GRIK3: variants seen among roughly 807,000 people sequenced by gnomAD.
GRIK3 encodes the protein glutamate receptor ionotropic, kainate 3.
Under a neutral mutation model 102.5 loss-of-function variants are expected in GRIK3, and 29 were observed. That is an observed-to-expected ratio of 0.28 (90% CI 0.21 to 0.39). The LOEUF is 0.39. Among genes scored for constraint, GRIK3 ranks in the 10% least tolerant of loss-of-function variants. The pLI, the probability that GRIK3 is intolerant of heterozygous loss-of-function variation, is 1.00. For missense variants in GRIK3, 908 were observed against 1,252.4 expected (o/e 0.73, Z 4.15); for synonymous variants, 511 against 504.9 (o/e 1.01, Z -0.16).
intron 2 of GRIK3, among the ~76,000 whole-genome samples, chr1:36,888,584 C>T (rs1641067975): frequency 6.6e-6 from 1 of 152,162 alleles, no homozygotes; most frequent in Admixed American, 6.5e-5. Context: ...TTGCTTCATC[C>T]ACTAGATTAT....
At chr1:36,873,917 C>T (rs77429386) in intron 3 of GRIK3, among the ~76,000 whole-genome samples, 8 of 152,120 alleles carry the variant, frequency 5.3e-5, no homozygotes, top group Non-Finnish European at 1.0e-4. Context: ...ACGTAGACCT[C>T]GAGAAGGATT....
chr1:36,887,767 A>T (rs1483845469), intron 2 of GRIK3, among the ~76,000 whole-genome samples: 218 of 106,412 alleles, frequency 2.0e-3, no homozygotes, highest in East Asian at 5.2e-3. Flanking sequence ...AAAAAAAAAA[A>T]AAAAATATAT....
At chr1:37,022,654 T>C (rs548401457) in intron 1 of GRIK3, among the ~76,000 whole-genome samples, 21 of 152,346 alleles carry the variant, frequency 1.4e-4, no homozygotes, top group African/African-American at 4.8e-4. Flanking sequence ...CGTGGAAGAA[T>C]CTAACAACAT....
intron 1 of GRIK3, among the ~76,000 whole-genome samples, chr1:36,945,250 G>A (rs1336161904): frequency 1.3e-5 from 2 of 152,252 alleles, no homozygotes; most frequent in African/African-American, 4.8e-5. Flanking sequence ...CAGATAAACA[G>A]TGGAATCACA....
chr1:36,855,248 G>A (rs142402270), intron 7 of GRIK3, among the ~76,000 whole-genome samples: 2 of 152,294 alleles, frequency 1.3e-5, no homozygotes, highest in African/African-American at 4.8e-5. Flanking sequence ...TGCCGCATTG[G>A]GTTCCTAACC....
At chr1:36,820,162 G>A (rs1642680858) in intron 11 of GRIK3, among the ~76,000 whole-genome samples, 1 of 152,048 alleles carries the variant, frequency 6.6e-6, no homozygotes, top group Non-Finnish European at 1.5e-5. Flanking sequence ...AGCACACAAG[G>A]GTGTTTATCA....
chr1:36,964,786 C>T (rs1642062468), intron 1 of GRIK3, among the ~76,000 whole-genome samples: 1 of 152,166 alleles, frequency 6.6e-6, no homozygotes, highest in Non-Finnish European at 1.5e-5. Flanking sequence ...TAGCATCAAA[C>T]TCAAACCTCA....
At chr1:36,822,683 CT>C (rs1642709180) in intron 11 of GRIK3, among the ~76,000 whole-genome samples, 1 of 152,174 alleles carries the variant, frequency 6.6e-6, no homozygotes, top group African/African-American at 2.4e-5. Flanking sequence ...AGGGCATCCA[CT>C]ATGGCCAAAG....
At chr1:36,844,295 C>T (rs1262190260) in intron 9 of GRIK3, among the ~76,000 whole-genome samples, 1 of 152,242 alleles carries the variant, frequency 6.6e-6, no homozygotes, top group East Asian at 1.9e-4. Flanking sequence ...ATCTCAGTGC[C>T]TCTCTCACTC....
chr1:36,830,181 G>A (rs555401803), intron 10 of GRIK3, among the ~76,000 whole-genome samples: 2 of 152,256 alleles, frequency 1.3e-5, no homozygotes, highest in Admixed American at 6.5e-5. Flanking sequence ...CAGTATCCCC[G>A]CCAGGTGGTC....
intron 1 of GRIK3, among the ~76,000 whole-genome samples, chr1:37,014,591 C>A (rs1642632368): frequency 6.6e-6 from 1 of 152,252 alleles, no homozygotes; most frequent in African/African-American, 2.4e-5. Context: ...CTGTGCCAGG[C>A]AGGCACAATC....
intron 1 of GRIK3, among the ~76,000 whole-genome samples, chr1:36,925,038 A>G (rs1044904344): frequency 9.2e-5 from 14 of 152,230 alleles, no homozygotes; most frequent in Non-Finnish European, 2.1e-4. Context: ...TGACAACCCA[A>G]AATGGTAGAC....
chr1:36,872,109 AC>A lies in GRIK3; in HGVS notation c.732+78del. On this transcript the variant is annotated intron_variant, in intron 4 of 15. Coordinates refer to ENST00000373091, the MANE Select transcript of GRIK3 (RefSeq NM_000831.4). This position sits in a 1 kb window ranked among gnomAD's most constrained non-coding sequence, Gnocchi z 5.9. ...TCAAACTTAGATCTGGCAGCATCAC[AC>A]CCACATTTGGGAAGGGGACGTGGGA... The A allele has an allele frequency of 4.5e-6, 6 of 1,319,600 alleles. No individual in the cohort carries two copies. The highest frequency in any genetic ancestry group is 6.2e-6 in the Non-Finnish European group (6 of 962,204). 81.7% of individuals were successfully genotyped at this position (1,319,600 alleles called of 1,614,324 possible). A position where few individuals can be genotyped will look rare whatever the true frequency, so the allele number is the denominator to read the frequency against.
At chr1:36,932,508 C>G (rs994221457) in intron 1 of GRIK3, among the ~76,000 whole-genome samples, 9 of 152,212 alleles carry the variant, frequency 5.9e-5, no homozygotes, top group African/African-American at 2.2e-4. Flanking sequence ...CTGCATCCTT[C>G]CCCTTCCGGG....
chr1:36,935,600 A>G (rs1641647947), intron 1 of GRIK3, among the ~76,000 whole-genome samples: 1 of 151,504 alleles, frequency 6.6e-6, no homozygotes, highest in South Asian at 2.1e-4. Flanking sequence ...TGACTGACAC[A>G]AGCATTAGAG....
intron 10 of GRIK3, among the ~76,000 whole-genome samples, chr1:36,830,966 C>T (rs1640280583): frequency 1.3e-5 from 2 of 152,130 alleles, no homozygotes; most frequent in Admixed American, 1.3e-4. Flanking sequence ...AAGCATGGAA[C>T]AGGTTCTCCT....
chr1:36,991,560 G>T (rs1336651460), intron 1 of GRIK3, among the ~76,000 whole-genome samples: 2 of 152,188 alleles, frequency 1.3e-5, no homozygotes, highest in African/African-American at 4.8e-5. Flanking sequence ...ATCAGGCTCG[G>T]GTGTGAAAAG....
chr1:36,966,189 C>A (rs1457844832), intron 1 of GRIK3, among the ~76,000 whole-genome samples: 2 of 152,210 alleles, frequency 1.3e-5, no homozygotes, highest in African/African-American at 4.8e-5. Context: ...TATCTGTTAT[C>A]CTGAGGGTTT....
intron 1 of GRIK3, among the ~76,000 whole-genome samples, chr1:36,989,707 T>C (rs1404711112): frequency 6.6e-6 from 1 of 152,150 alleles, no homozygotes; most frequent in Non-Finnish European, 1.5e-5. Flanking sequence ...GGTCCCAGAC[T>C]GGCTCAGAAA....
Sources: gnomAD v4.1 joint callset for allele counts (sites outside exome capture counted in the v4.1 genomes callset) on GRCh38, gnomAD v4.1.1 for gene constraint, Gnocchi (gnomAD v3.1) non-coding constraint, MANE v1.5 for transcripts, NCBI Gene and HGNC (gene_info 2026-07-23, HGNC 2026-07-21) for gene names.